Variants in PDE4D observed in about 807,000 individuals in gnomAD.
The protein encoded by PDE4D is phosphodiesterase 4D.
A neutral mutation model predicts 87.4 loss-of-function variants in PDE4D; 24 were observed. The ratio of observed to expected loss-of-function variants is 0.27; its 90% CI spans 0.20 to 0.39. The LOEUF is 0.39. Among genes scored for constraint, PDE4D ranks in the 10% least tolerant of loss-of-function variants. The probability of loss-of-function intolerance (pLI) is 1.00; values close to 1 mark genes in which losing one functional copy is unlikely to be tolerated. For synonymous variants in PDE4D, 384 were observed against 383.2 expected, an observed-to-expected ratio of 1.00 and a Z score of -0.02; for missense variants, 714 against 1,041.0, an observed-to-expected ratio of 0.69 and a Z score of 4.32.
intron 1 of PDE4D, among the ~76,000 whole-genome samples, chr5:59,684,275 T>C (rs545594334): frequency 6.6e-6 from 1 of 152,296 alleles, no homozygotes; most frequent in African/African-American, 2.4e-5. Context: ...ATTTCTGTCA[T>C]ATTTTAATGT....
chr5:59,687,763 T>C (rs1233958836), intron 1 of PDE4D, among the ~76,000 whole-genome samples: 3 of 152,042 alleles, frequency 2.0e-5, no homozygotes, highest in Non-Finnish European at 2.9e-5. Flanking sequence ...AATTAAAAGA[T>C]GCTAACTGGC....
intron 1 of PDE4D, among the ~76,000 whole-genome samples, chr5:60,210,671 A>G (rs1032546532): frequency 1.3e-5 from 2 of 152,070 alleles, no homozygotes; most frequent in African/African-American, 4.8e-5. Context: ...AAACCATGTT[A>G]ATTAACTGTT....
At chr5:60,193,669 C>CAAAAAAAAA (rs35340734) in intron 1 of PDE4D, among the ~76,000 whole-genome samples, 2 of 46,854 alleles carry the variant, frequency 4.3e-5, no homozygotes, top group African/African-American at 7.8e-5. Flanking sequence ...GACTCCGTCT[C>CAAAAAAAAA]AAAAAAAAAA....
intron 2 of PDE4D, among the ~76,000 whole-genome samples, chr5:60,172,958 A>G (rs1783603030): frequency 6.6e-6 from 1 of 152,194 alleles, no homozygotes; most frequent in African/African-American, 2.4e-5. Context: ...GCCTCCATTC[A>G]TAATTAAAAT....
intron 1 of PDE4D, among the ~76,000 whole-genome samples, chr5:59,642,131 T>G (rs1332371111): frequency 6.6e-6 from 1 of 152,116 alleles, no homozygotes; most frequent in South Asian, 2.1e-4. Context: ...TTTCTTTTCT[T>G]TTGTACACAA....
At chr5:60,084,859 A>C (rs919908568) in intron 2 of PDE4D, among the ~76,000 whole-genome samples, 2 of 152,234 alleles carry the variant, frequency 1.3e-5, no homozygotes, top group Non-Finnish European at 2.9e-5. Context: ...CATCAGCCAG[A>C]TAAGTAGGAC....
At chr5:60,288,325 G>A (rs1373841555) in intron 1 of PDE4D, among the ~76,000 whole-genome samples, 1 of 152,194 alleles carries the variant, frequency 6.6e-6, no homozygotes, top group Non-Finnish European at 1.5e-5. Context: ...TTCTAGCTGT[G>A]ACCACCAAAC....
chr5:59,887,635 C>G (rs545869757), intron 1 of PDE4D, among the ~76,000 whole-genome samples: 2 of 152,126 alleles, frequency 1.3e-5, no homozygotes, highest in East Asian at 3.9e-4. Flanking sequence ...GATTATTATT[C>G]TATTTGATCT....
intron 1 of PDE4D, among the ~76,000 whole-genome samples, chr5:59,252,719 G>T (rs1022381050): frequency 2.0e-5 from 3 of 151,972 alleles, no homozygotes; most frequent in African/African-American, 7.2e-5. Flanking sequence ...TAGAGACAGG[G>T]TCTTCCTATG....
intron 1 of PDE4D, among the ~76,000 whole-genome samples, chr5:59,378,092 C>G (rs1295970542): frequency 6.6e-6 from 1 of 152,146 alleles, no homozygotes; most frequent in African/African-American, 2.4e-5. Flanking sequence ...ATGGAATACT[C>G]TGCAGCCATA....
chr5:59,615,463 C>T (rs1369468455), intron 1 of PDE4D, among the ~76,000 whole-genome samples: 5 of 151,534 alleles, frequency 3.3e-5, no homozygotes, highest in East Asian at 3.9e-4. Context: ...AATTCCCCCA[C>T]GAAATACTCA....
chr5:59,815,839 T>C (rs571029438), intron 1 of PDE4D, among the ~76,000 whole-genome samples: 9 of 152,370 alleles, frequency 5.9e-5, no homozygotes, highest in Non-Finnish European at 1.3e-4. Flanking sequence ...ACTTCTTTAA[T>C]TTCAAGCCTT....
At position 59,916,669 on chromosome 5, in the gene PDE4D, T is replaced by C. The variant is rs1022267574; in HGVS notation, c.272+71819A>G. The stretch of plus-strand genomic sequence containing the variant: ...CCATTAATTGTTAACACTGATATGT[T>C]TGAAATATTTTTTAAGAGATGGTTC... On this transcript the variant is annotated intron_variant, in intron 3 of 16. Transcript: ENST00000502484. Among the ~76,000 whole-genome samples the C allele has an allele frequency of 3.3e-5, 5 of 152,218 alleles. No homozygotes were observed. The East Asian group carries it at 7.7e-4, about 23-fold the overall frequency.
At chr5:59,576,620 T>C (rs530727902) in intron 1 of PDE4D, among the ~76,000 whole-genome samples, 1 of 152,250 alleles carries the variant, frequency 6.6e-6, no homozygotes, top group African/African-American at 2.4e-5. Flanking sequence ...GTAGTCGAGG[T>C]GGCTACTGCA....
chr5:60,255,824 C>CAA (rs1226926108), intron 1 of PDE4D, among the ~76,000 whole-genome samples: 2 of 151,678 alleles, frequency 1.3e-5, no homozygotes, highest in African/African-American at 2.4e-5. Context: ...ACAACAACAA[C>CAA]AACAAAGGAA....
chr5:59,450,127 TCTGA>T (rs1353610343), intron 1 of PDE4D, among the ~76,000 whole-genome samples: 4 of 152,192 alleles, frequency 2.6e-5, no homozygotes, highest in Non-Finnish European at 1.5e-5. Flanking sequence ...AAAGCTCTAT[TCTGA>T]CTATGTAAAT....
At chr5:59,605,097 G>A (rs975731918) in intron 1 of PDE4D, among the ~76,000 whole-genome samples, 2 of 151,972 alleles carry the variant, frequency 1.3e-5, no homozygotes, top group Admixed American at 1.3e-4. Context: ...TTCCAAACCC[G>A]TAAACATGTA....
chr5:60,304,651 C>CAAAAAAAAAAAAAAAA (rs70975379), intron 1 of PDE4D, among the ~76,000 whole-genome samples: 70 of 60,052 alleles, frequency 1.2e-3, no homozygotes, highest in African/African-American at 5.4e-3. Flanking sequence ...GACTCCGTCT[C>CAAAAAAAAAAAAAAAA]AAAAAAAAAA....
chr5:59,584,867 A>C (rs1824833594), intron 1 of PDE4D, among the ~76,000 whole-genome samples: 1 of 152,208 alleles, frequency 6.6e-6, no homozygotes, highest in South Asian at 2.1e-4. Context: ...CATAGAAGAA[A>C]AATAATTGAC....
Sources: allele counts gnomAD v4.1 joint callset (sites outside exome capture counted in the v4.1 genomes callset), GRCh38; gene constraint gnomAD v4.1.1; transcripts MANE v1.5; gene names NCBI Gene and HGNC (gene_info 2026-07-23, HGNC 2026-07-21).